The following ASZ1 variants were observed in gnomAD, a reference collection of about 807,000 sequenced individuals.
The protein encoded by ASZ1 is ankyrin repeat, SAM and basic leucine zipper domain-containing protein 1.
Under a neutral mutation model 61.8 loss-of-function variants are expected in ASZ1, and 67 were observed. The observed-to-expected ratio is 1.08, with a 90% CI of 0.89 to 1.33. The LOEUF (loss-of-function observed/expected upper bound fraction) is 1.33, where lower values mean the gene tolerates loss of function less well. ASZ1 is among the 40% of genes most tolerant of loss of function. The pLI, the probability that ASZ1 is intolerant of heterozygous loss-of-function variation, is 0.00. For synonymous variants in ASZ1, 193 were observed against 192.7 expected, an observed-to-expected ratio of 1.00 and a Z score of -0.01; for missense variants, 577 against 554.5, an observed-to-expected ratio of 1.04 and a Z score of -0.41.
At chr7:117,422,441 G>A in intron 2 of ASZ1, 82 bp from the exon 3 acceptor site, 1 of 1,410,678 alleles carries the variant, frequency 7.1e-7, no homozygotes, top group South Asian at 1.5e-5. Context: ...AAAGTACTGT[G>A]TAAAGTGACG....
rs748786073 is a variant in ASZ1 at position 117,422,296 on chromosome 7, G to T, written c.269C>A (p.Ala90Asp). The T allele has an allele frequency of 6.2e-7, 1 of 1,613,666 alleles. No homozygotes were observed. The highest frequency in any genetic ancestry group is 1.1e-5 in the South Asian group (1 of 91,058). ...AAGGACCCGAACCAGCTCTGCATTG[G>T]CAACACTAGCAGCATACATAAGGGG... ...WTPLMYAASV[A>D]NAELVRVLLD... Residue 90 changes from alanine to aspartate, a missense_variant, in exon 3 of 13, where the codon GCC becomes GAC. Transcript: ENST00000284629.
chr7:117,423,594 C>T (rs1422338148), intron 2 of ASZ1, among the ~76,000 whole-genome samples: 1 of 150,740 alleles, frequency 6.6e-6, no homozygotes, highest in Non-Finnish European at 1.5e-5. Context: ...GCCTGTAATC[C>T]CAGCACTTTG....
At chr7:117,379,804 G>A (rs1796215215) in intron 10 of ASZ1, 134 bp downstream of exon 10, 1 of 544,338 alleles carries the variant, frequency 1.8e-6, no homozygotes, top group Non-Finnish European at 3.1e-6. Flanking sequence ...TCAGAACACA[G>A]TATCTTCCAA....
At chr7:117,394,637 G>A (rs1256706398) in intron 4 of ASZ1, among the ~76,000 whole-genome samples, 1 of 152,106 alleles carries the variant, frequency 6.6e-6, no homozygotes, top group African/African-American at 2.4e-5. Context: ...TATCTTCCAT[G>A]TTCTCCTTTG....
rs558771017 is a variant in ASZ1 at position 117,373,909 on chromosome 7, A to G, written c.1056-5192T>C. 5.3e-5 allele frequency among the ~76,000 whole-genome samples: 8 copies of G among 152,242 alleles called. No homozygotes were observed. The South Asian group carries it at 1.7e-3, about 32-fold the overall frequency. ...ATATTCCTTCATAGAAACAATAATG[A>G]AAAAAAGCAAGAAAATGAACAATGA... On this transcript the variant is annotated intron_variant, in intron 10 of 12. Coordinates refer to ENST00000284629, the MANE Select transcript of ASZ1 (RefSeq NM_130768.3).
intron 4 of ASZ1, among the ~76,000 whole-genome samples, 192 bp downstream of exon 4, chr7:117,419,971 T>C (rs1014436674): frequency 6.6e-6 from 1 of 152,228 alleles, no homozygotes. Flanking sequence ...TCTCAAAATG[T>C]AGAGTTGAAA....
At chr7:117,385,502 C>A (rs534523951) in intron 5 of ASZ1, among the ~76,000 whole-genome samples, 196 bp downstream of exon 5, 69 of 152,224 alleles carry the variant, frequency 4.5e-4, no homozygotes, top group Non-Finnish European at 6.6e-4. Context: ...CTCAAATGAT[C>A]CGCCTGCCTC....
chr7:117,384,159 T>A (rs1796305385), intron 6 of ASZ1, among the ~76,000 whole-genome samples: 1 of 152,116 alleles, frequency 6.6e-6, no homozygotes, highest in Admixed American at 6.6e-5. Flanking sequence ...AAAGCTTTAA[T>A]CTTCAGACCA....
At chr7:117,376,077 T>C (rs776309293) in intron 10 of ASZ1, among the ~76,000 whole-genome samples, 5 of 151,260 alleles carry the variant, frequency 3.3e-5, no homozygotes, top group Non-Finnish European at 7.4e-5. Context: ...CTAACAGAGA[T>C]AAAAAGAGAA....
chr7:117,363,626 G>GA lies in ASZ1; in HGVS notation c.1397dup (p.Ile467HisfsTer24), dbSNP rs1562842412. 6.2e-7 allele frequency: 1 copy of GA among 1,600,822 alleles called. No individual in the cohort carries two copies. The highest frequency in any genetic ancestry group is 2.3e-5 in the East Asian group (1 of 44,388). ...TCCTCTGGAAAGTTAGCTTGCAAAT[G>GA]AAAAGAAGAAAACCGAATCCGCATA... On this transcript the variant is annotated frameshift_variant, in exon 13 of 13. Transcript: ENST00000284629. LOFTEE classifies it high-confidence loss of function.
chr7:117,404,402 C>A (rs1308542329), intron 4 of ASZ1, among the ~76,000 whole-genome samples: 1 of 143,570 alleles, frequency 7.0e-6, no homozygotes, highest in Non-Finnish European at 1.5e-5. Flanking sequence ...CTCTGATAAG[C>A]CCCTTGACTG....
chr7:117,365,605 CAAG>C (rs1323551890), intron 12 of ASZ1, among the ~76,000 whole-genome samples: 2 of 152,136 alleles, frequency 1.3e-5, no homozygotes, highest in African/African-American at 4.8e-5. Context: ...TGATGTTTTG[CAAG>C]AAGTATCTTT....
intron 4 of ASZ1, among the ~76,000 whole-genome samples, chr7:117,389,237 G>A (rs2116480820): frequency 1.3e-5 from 2 of 151,588 alleles, no homozygotes; most frequent in Admixed American, 1.3e-4. Flanking sequence ...ATTGTGTGTT[G>A]CTGAGGATGA....
intron 4 of ASZ1, among the ~76,000 whole-genome samples, chr7:117,416,457 A>G (rs544270370): frequency 3.3e-4 from 51 of 152,362 alleles, no homozygotes; most frequent in African/African-American, 1.0e-3. Flanking sequence ...TTCTCAGGCC[A>G]TAAAGAAAAT....
chr7:117,365,990 G>A (rs919246492), intron 12 of ASZ1, among the ~76,000 whole-genome samples: 2 of 152,180 alleles, frequency 1.3e-5, no homozygotes, highest in Non-Finnish European at 2.9e-5. Flanking sequence ...TGGGCCAGGC[G>A]CAATGGCGCA....
chr7:117,400,125 T>C (rs1796652664), intron 4 of ASZ1, among the ~76,000 whole-genome samples: 1 of 152,226 alleles, frequency 6.6e-6, no homozygotes. Flanking sequence ...GGTCTTCATG[T>C]CATATTTTTG....
chr7:117,418,103 C>T (rs963814897), intron 4 of ASZ1, among the ~76,000 whole-genome samples: 16 of 152,116 alleles, frequency 1.1e-4, no homozygotes, highest in Non-Finnish European at 1.9e-4. Context: ...GTGTTTACAA[C>T]ATTTTAGGTG....
chr7:117,383,364 G>C (rs72603595), intron 6 of ASZ1, among the ~76,000 whole-genome samples: 17,048 of 151,850 alleles, frequency 0.11, 1,543 homozygotes, highest in East Asian at 0.45. Flanking sequence ...CAGGGTAATT[G>C]GGATATCTAA....
intron 2 of ASZ1, among the ~76,000 whole-genome samples, chr7:117,425,255 A>ATTTTTTTTTTTTTTTTTT (rs1004795019): frequency 1.2e-5 from 1 of 86,688 alleles, no homozygotes. Flanking sequence ...CCTTTGAGTA[A>ATTTTTTTTTTTTTTTTTT]TTTCTTTTTT....
Sources: allele counts gnomAD v4.1 joint callset (sites outside exome capture counted in the v4.1 genomes callset), GRCh38; gene constraint gnomAD v4.1.1; transcripts MANE v1.5; gene names NCBI Gene and HGNC (gene_info 2026-07-23, HGNC 2026-07-21).